FER: variants seen among roughly 807,000 people sequenced by gnomAD.
FER encodes the protein tyrosine-protein kinase Fer.
Under a neutral mutation model 111.0 loss-of-function variants are expected in FER, and 63 were observed. That is an observed-to-expected ratio of 0.57 (90% CI 0.46 to 0.70). The LOEUF (loss-of-function observed/expected upper bound fraction) is 0.70, where lower values mean the gene tolerates loss of function less well. FER is among the 30% of genes least tolerant of loss of function. The pLI, the probability that FER is intolerant of heterozygous loss-of-function variation, is 0.00. For synonymous variants in FER, 327 were observed against 313.9 expected (o/e 1.04, Z -0.44); for missense variants, 914 against 954.0 (o/e 0.96, Z 0.55).
intron 11 of FER, among the ~76,000 whole-genome samples, chr5:108,947,203 G>A (rs1292449023): frequency 6.6e-6 from 1 of 151,958 alleles, no homozygotes; most frequent in Non-Finnish European, 1.5e-5. Context: ...TCTCTTGGGT[G>A]TGTACCCAGG....
chr5:108,867,817 C>G lies in FER; in HGVS notation c.532C>G (p.Leu178Val), dbSNP rs765260254. The change falls in exon 6 of 20, where the codon CTT (leucine) becomes GTT (valine). Residue 178 changes from leucine to valine, a missense_variant. Transcript: ENST00000281092. ...ACGATACGACAAAGCCACAATGAAA[C>G]TTCATATGTTGCACAATCAGTATGT... ...KERYDKATMK[L>V]HMLHNQYVLA... 4.3e-6 allele frequency: 7 copies of G among 1,611,388 alleles called. No homozygotes were observed. The East Asian group carries it at 1.3e-4, about 31-fold the overall frequency.
chr5:108,892,792 T>C (rs1477186824), intron 9 of FER, among the ~76,000 whole-genome samples: 5 of 152,244 alleles, frequency 3.3e-5, no homozygotes, highest in Admixed American at 2.0e-4. Flanking sequence ...AGGGTTTTTA[T>C]GGTGTTAGGT....
chr5:108,787,933 TG>T (rs1357834810), intron 2 of FER, among the ~76,000 whole-genome samples: 1 of 152,190 alleles, frequency 6.6e-6, no homozygotes, highest in Non-Finnish European at 1.5e-5. Flanking sequence ...TTTCTGGATG[TG>T]GGACAAGTGC....
At chr5:108,979,558 A>G in intron 13 of FER, among the ~76,000 whole-genome samples, 1 of 152,208 alleles carries the variant, frequency 6.6e-6, no homozygotes, top group East Asian at 1.9e-4. Context: ...TAATTAAAAA[A>G]TTAAAAAGTA....
intron 3 of FER, among the ~76,000 whole-genome samples, chr5:108,802,442 T>G (rs1014995161): frequency 6.6e-6 from 1 of 152,170 alleles, no homozygotes; most frequent in South Asian, 2.1e-4. Context: ...GTTTATGGTA[T>G]GAATGACCCC....
intron 10 of FER, among the ~76,000 whole-genome samples, chr5:108,924,202 C>CA (rs1305150530): frequency 2.0e-5 from 3 of 151,582 alleles, no homozygotes; most frequent in South Asian, 2.1e-4. Flanking sequence ...ACTAAAAATA[C>CA]AAAAAAATTT....
chr5:109,193,997 G>A lies in FER; in HGVS notation c.*6422G>A, dbSNP rs1759558753. The A allele has an allele frequency of 6.6e-6, 1 of 152,164 alleles. No homozygotes were observed. Among genetic ancestry groups the A allele is most frequent in the African/African-American group, 2.4e-5 (1 of 41,440 alleles). 9.4% of individuals were successfully genotyped at this position (152,164 alleles called of 1,614,324 possible). A position where few individuals can be genotyped will look rare whatever the true frequency, so the allele number is the denominator to read the frequency against. The stretch of plus-strand genomic sequence containing the variant: ...ACTTGTTAGATGACTAACACTATCA[G>A]TAGAAGCTCTTGAGAGATTTTCCTA... On this transcript the variant is annotated 3_prime_UTR_variant, in exon 20 of 20. Transcript: ENST00000281092.
chr5:108,802,549 A>G (rs1756779782), intron 3 of FER, among the ~76,000 whole-genome samples: 1 of 149,890 alleles, frequency 6.7e-6, no homozygotes, highest in Admixed American at 6.7e-5. Context: ...CATTGTTTCC[A>G]TCTTTATATC....
At chr5:108,799,897 C>T (rs527479343) in intron 3 of FER, among the ~76,000 whole-genome samples, 152 of 148,454 alleles carry the variant, frequency 1.0e-3, no homozygotes, top group African/African-American at 3.5e-3. Context: ...GGCTGGAGTA[C>T]GGTGGTGCAA....
rs188953564 is a variant in FER, at chr5:109,014,398, A to G, written c.1657-23024A>G. Among the ~76,000 whole-genome samples the G allele has an allele frequency of 1.2e-3, 187 of 152,170 alleles. No homozygotes were observed. In the East Asian group the frequency reaches 0.016, roughly 13 times the overall value. ...TCAAAGATCAGATAGTTGTAGATAT[A>G]CGGCCTTATTTCTGAGGGCTCTGTT... is the stretch of plus-strand genomic sequence containing the variant. On this transcript the variant is annotated intron_variant, in intron 13 of 19. Transcript: ENST00000281092.
chr5:108,988,664 A>G (rs867533268), intron 13 of FER, among the ~76,000 whole-genome samples: 1 of 151,734 alleles, frequency 6.6e-6, no homozygotes, highest in South Asian at 2.1e-4. Flanking sequence ...GCTTATTTGG[A>G]TCTTCTTTCT....
chr5:109,186,591 G>A (rs183882240), intron 19 of FER, among the ~76,000 whole-genome samples: 14 of 152,190 alleles, frequency 9.2e-5, no homozygotes, highest in East Asian at 5.8e-4. Flanking sequence ...GTTCACTGTC[G>A]TTAAGAGAAA....
At position 109,020,651 on chromosome 5, in the gene FER, A is replaced by G. The variant is rs543285153; in HGVS notation, c.1657-16771A>G. ...AAGATTAATTATGTTTTATCCAGCT[A>G]TTATATATCCCCTTGTGAACTTTTG... On this transcript the variant is annotated intron_variant, in intron 13 of 19. Coordinates refer to ENST00000281092, the MANE Select transcript of FER (RefSeq NM_005246.4). Among the ~76,000 whole-genome samples, 118 of 152,070 alleles carry G rather than the reference A, an allele frequency of 7.8e-4. 2 individuals are homozygous for G. Among genetic ancestry groups the G allele is most frequent in the Middle Eastern group, 3.4e-3 (1 of 294 alleles).
rs577254894 is a variant in FER, at chr5:109,058,106, A to G, written c.1924+10908A>G. 3.9e-5 allele frequency among the ~76,000 whole-genome samples: 6 copies of G among 152,322 alleles called. No individual in the cohort carries two copies. In the South Asian group the frequency reaches 1.2e-3, roughly 32 times the overall value. ...TAATCATATAGATAAAATAGAAATT[A>G]TATGATTATTTAAATGCAGAAAAAA... On this transcript the variant is annotated intron_variant, in intron 16 of 19. Transcript: ENST00000281092.
At chr5:108,819,765 T>C (rs1758654246) in intron 3 of FER, 4 of 982,878 alleles carry the variant, frequency 4.1e-6, no homozygotes, top group African/African-American at 1.7e-5. Context: ...TTTTTTAAAA[T>C]AGAGATTCAG....
At chr5:108,769,420 AAG>A (rs1287054826) in intron 2 of FER, among the ~76,000 whole-genome samples, 7 of 152,156 alleles carry the variant, frequency 4.6e-5, no homozygotes, top group Admixed American at 2.6e-4. Context: ...GACACAGAGA[AAG>A]AGGCAGATTT....
At chr5:109,051,807 C>T in intron 16 of FER, 3 of 1,597,224 alleles carry the variant, frequency 1.9e-6, no homozygotes, top group African/African-American at 1.3e-5. Flanking sequence ...CCAGGGACAC[C>T]AAGGACACCA....
chr5:108,800,785 G>A (rs937782913), intron 3 of FER, among the ~76,000 whole-genome samples: 27 of 152,196 alleles, frequency 1.8e-4, no homozygotes, highest in Non-Finnish European at 3.7e-4. Flanking sequence ...GGTGGCTCAC[G>A]CCTGTAATCC....
chr5:108,977,783 G>A (rs962411218), intron 13 of FER, among the ~76,000 whole-genome samples: 4 of 151,944 alleles, frequency 2.6e-5, no homozygotes, highest in Non-Finnish European at 5.9e-5. Context: ...TCCTTGCTGC[G>A]GCTATCTCAG....
Sources: allele counts gnomAD v4.1 joint callset (sites outside exome capture counted in the v4.1 genomes callset), GRCh38; gene constraint gnomAD v4.1.1; transcripts MANE v1.5; gene names NCBI Gene and HGNC (gene_info 2026-07-23, HGNC 2026-07-21).